TRIM69: variants seen among roughly 807,000 people sequenced by gnomAD.
The protein encoded by TRIM69 is E3 ubiquitin-protein ligase TRIM69.
Under a neutral mutation model 37.7 loss-of-function variants are expected in TRIM69, and 29 were observed. The observed-to-expected ratio is 0.77, with a 90% CI of 0.57 to 1.05. TRIM69 has a LOEUF of 1.05. Among genes scored for constraint, TRIM69 ranks in the 50% least tolerant of loss-of-function variants. TRIM69 has a pLI of 0.00. For missense variants in TRIM69, 596 were observed against 579.9 expected, an observed-to-expected ratio of 1.03 and a Z score of -0.28; for synonymous variants, 209 against 212.4, an observed-to-expected ratio of 0.98 and a Z score of 0.14.
At chr15:44,753,152 G>A (rs2087570434) in intron 1 of TRIM69, 1 of 151,992 alleles carries the variant, frequency 6.6e-6, no homozygotes. Flanking sequence ...ATTTCAACAT[G>A]TAGGACTCCT....
chr15:44,746,151 A>G (rs562087526), intron 1 of TRIM69, among the ~76,000 whole-genome samples: 1 of 152,334 alleles, frequency 6.6e-6, no homozygotes, highest in Admixed American at 6.5e-5. Flanking sequence ...GAGAGCCTCA[A>G]TAAGTTAACA....
intron 1 of TRIM69, among the ~76,000 whole-genome samples, chr15:44,738,054 C>CTTTTTT (rs869285725): frequency 8.5e-5 from 2 of 23,448 alleles, no homozygotes; most frequent in African/African-American, 8.4e-5. Flanking sequence ...TTCTTTCTTT[C>CTTTTTT]TTTTTTTTTT....
intron 1 of TRIM69, among the ~76,000 whole-genome samples, chr15:44,740,407 A>G (rs1490772381): frequency 1.3e-5 from 2 of 152,254 alleles, no homozygotes; most frequent in Non-Finnish European, 2.9e-5. Flanking sequence ...TTGAGAGAAG[A>G]AGGCTTCAGA....
At chr15:44,739,159 C>A (rs2087224530) in intron 1 of TRIM69, among the ~76,000 whole-genome samples, 1 of 152,126 alleles carries the variant, frequency 6.6e-6, no homozygotes, top group South Asian at 2.1e-4. Context: ...AATTCCATAC[C>A]CATTATCAGT....
At position 44,756,397 on chromosome 15, in the gene TRIM69, G is replaced by A. The variant is rs1189439809; in HGVS notation, c.513G>A (p.Leu171=). The change falls in exon 3 of 7, where the codon CTG becomes CTA. Residue 171 remains leucine, a synonymous_variant. Transcript: ENST00000329464. ...TEELAIQQGQ[L]ETTLKELQTL... is the part of the protein sequence containing the mutation. ...AGCTTGCCATCCAACAGGGTCAACT[G>A]GAGACAACTCTGAAGGAGCTTCAGA... 1.3e-6 allele frequency: 2 copies of A among 1,550,792 alleles called. No homozygotes were observed. Among genetic ancestry groups the A allele is most frequent in the African/African-American group, 2.7e-5 (2 of 72,968 alleles).
chr15:44,765,976 G>A (rs1441711099), intron 6 of TRIM69, among the ~76,000 whole-genome samples: 1 of 152,026 alleles, frequency 6.6e-6, no homozygotes. Context: ...TCCTCTTGCT[G>A]GTCAGCTTTC....
At position 44,758,848 on chromosome 15, in the gene TRIM69, T is replaced by A. The variant is rs1389104402; in HGVS notation, c.807T>A (p.Phe269Leu). Residue 269 changes from phenylalanine (F) to leucine (L), a missense_variant, in exon 4 of 7, where the codon TTT becomes TTA. By Grantham distance (22) the Phe-to-Leu change is conservative. Transcript: ENST00000329464. ...CGGAACAACAGAACTCCTTCGACTT[T>A]CTCAAAGTGAGAATCCACACCAATA... ...AKTEQQNSFD[F>L]LKDITTLLHS... is the part of the protein sequence containing the mutation. 1 of 1,611,790 alleles carries A rather than the reference T, an allele frequency of 6.2e-7. No individual in the cohort carries two copies. The highest frequency in any genetic ancestry group is 1.1e-5 in the South Asian group (1 of 90,576).
At chr15:44,752,791 C>G (rs950238606) in intron 1 of TRIM69, 14 of 150,956 alleles carry the variant, frequency 9.3e-5, no homozygotes, top group African/African-American at 3.4e-4. Context: ...GTAGTTTTTT[C>G]TTTAGTAGTT....
At chr15:44,744,403 A>C (rs1212995639) in intron 1 of TRIM69, among the ~76,000 whole-genome samples, 1 of 151,002 alleles carries the variant, frequency 6.6e-6, no homozygotes, top group Non-Finnish European at 1.5e-5. Context: ...ACATGTATAC[A>C]TATGTAACTA....
intron 6 of TRIM69, among the ~76,000 whole-genome samples, chr15:44,766,972 T>C (rs1344102888): frequency 7.3e-6 from 1 of 136,100 alleles, no homozygotes; most frequent in African/African-American, 2.7e-5. Context: ...GGCACGAGAA[T>C]TGCTTGAACC....
intron 1 of TRIM69, among the ~76,000 whole-genome samples, chr15:44,739,912 T>C (rs2468066): frequency 0.9 from 135,695 of 150,354 alleles, 61,542 homozygotes; most frequent in Middle Eastern, 0.96. Flanking sequence ...GATCTGAGAA[T>C]GGGCAGACTG....
At chr15:44,767,077 A>AAAAAAAAAAAAAAAAAAAAT (rs2087908549) in intron 6 of TRIM69, among the ~76,000 whole-genome samples, 154 bp from the exon 7 acceptor site, 1 of 147,736 alleles carries the variant, frequency 6.8e-6, no homozygotes, top group Admixed American at 6.8e-5. Context: ...AAAAAAAAAA[A>AAAAAAAAAAAAAAAAAAAAT]AAAAAAAGCA....
intron 1 of TRIM69, among the ~76,000 whole-genome samples, chr15:44,744,745 A>T (rs1414406509): frequency 6.6e-6 from 1 of 152,178 alleles, no homozygotes; most frequent in Non-Finnish European, 1.5e-5. Flanking sequence ...CATGGACCTT[A>T]TTCCCAAAGA....
rs534436858 is a variant in TRIM69 at position 44,765,598 on chromosome 15, A to G, written c.962-1633A>G. 2.4e-3 allele frequency among the ~76,000 whole-genome samples: 364 copies of G among 151,656 alleles called. 2 individuals carry two copies. Among genetic ancestry groups the G allele is most frequent in the African/African-American group, 8.1e-3 (334 of 41,308 alleles). On this transcript the variant is annotated intron_variant, in intron 6 of 6. Transcript: ENST00000329464. ...AAATCCTGTCTCTACTAAAATTACA[A>G]AAAATATCAGCTGAGCGTGGTGGTG... is the stretch of plus-strand genomic sequence containing the variant.
Position 44,754,927 on chromosome 15 carries a change from G to T in TRIM69, c.34G>T (p.Asp12Tyr). Residue 12 changes from aspartate (D) to tyrosine (Y), a missense_variant, in exon 2 of 7, where the codon GAT becomes TAT. Asp to Tyr is a radical substitution (Grantham distance 160). Coordinates refer to ENST00000329464, the MANE Select transcript of TRIM69 (RefSeq NM_182985.5). ...EVSTNPSSNI[D>Y]PGDYVEMNDS... Reference sequence around the variant, plus strand: ...ATCCACCAACCCCTCCTCCAACATCGATCCAGGCGACTATGTTGAAATGAA... The same window carrying T: ...ATCCACCAACCCCTCCTCCAACATCTATCCAGGCGACTATGTTGAAATGAA... 1 of 1,612,798 alleles carries T rather than the reference G, an allele frequency of 6.2e-7. No homozygotes were observed. The highest frequency in any genetic ancestry group is 2.2e-5 in the East Asian group (1 of 44,860).
intron 1 of TRIM69, among the ~76,000 whole-genome samples, chr15:44,737,076 A>G (rs1360414124): frequency 6.6e-6 from 1 of 152,230 alleles, no homozygotes; most frequent in Non-Finnish European, 1.5e-5. Context: ...TTTAAGGCAG[A>G]GTTGATACTT....
chr15:44,760,419 G>A, intron 6 of TRIM69, among the ~76,000 whole-genome samples: 1 of 151,942 alleles, frequency 6.6e-6, no homozygotes, highest in East Asian at 1.9e-4. Context: ...AACACACATG[G>A]CATTTCAAGA....
At chr15:44,752,937 GTTA>G (rs1033007519) in intron 1 of TRIM69, 8 of 151,944 alleles carry the variant, frequency 5.3e-5, no homozygotes, top group African/African-American at 1.9e-4. Flanking sequence ...CCTTTTTGTT[GTTA>G]TTATCACCAA....
chr15:44,749,865 C>T (rs2087483321), intron 1 of TRIM69, among the ~76,000 whole-genome samples: 3 of 152,166 alleles, frequency 2.0e-5, no homozygotes, highest in African/African-American at 7.2e-5. Context: ...GTACAAGAGT[C>T]CATTTCTCTG....
Sources: allele counts gnomAD v4.1 joint callset (sites outside exome capture counted in the v4.1 genomes callset), GRCh38; gene constraint gnomAD v4.1.1; transcripts MANE v1.5; gene names NCBI Gene and HGNC (gene_info 2026-07-23, HGNC 2026-07-21).